Variants in TJP2 observed in about 807,000 individuals in gnomAD.
TJP2 encodes the protein Friedreich ataxia region gene X104 (tight junction protein ZO-2).
In TJP2, 91 loss-of-function variants were observed where a neutral mutation model predicts 133.1. The ratio of observed to expected loss-of-function variants is 0.68; its 90% confidence interval spans 0.58 to 0.81. The LOEUF is 0.81. TJP2 is among the 40% of genes least tolerant of loss of function. The pLI is 0.00. For synonymous variants in TJP2, 592 were observed against 583.4 expected (o/e 1.01, Z -0.21); for missense variants, 1,541 against 1,565.6 (o/e 0.98, Z 0.26).
At chr9:69,153,186 T>C (rs1441634192) in intron 2 of TJP2, among the ~76,000 whole-genome samples, 1 of 151,806 alleles carries the variant, frequency 6.6e-6, no homozygotes, top group East Asian at 1.9e-4. Flanking sequence ...TGAGCTATAA[T>C]TGCACCACTG....
intron 1 of TJP2, chr9:69,205,083 C>T (rs1217268765): frequency 3.1e-5 from 47 of 1,518,190 alleles, no homozygotes; most frequent in Admixed American, 6.1e-5. Context: ...ATCCGCCTTA[C>T]GTAACCACAT....
chr9:69,232,810 G>T (rs1308574948), intron 11 of TJP2, among the ~76,000 whole-genome samples: 3 of 152,184 alleles, frequency 2.0e-5, no homozygotes, highest in Non-Finnish European at 4.4e-5. Context: ...TCTAAGTTTG[G>T]TTATTAACCA....
chr9:69,218,388 CT>C lies in TJP2; in HGVS notation c.342+31del, dbSNP rs528040007. ...AGTACTGGGTTTGCTTTCAGCTTGC[CT>C]TAATAGCATTTTGGTTTTTTGCCCA... is the stretch of plus-strand genomic sequence containing the variant. On this transcript the variant is annotated intron_variant, in intron 4 of 22. Coordinates refer to ENST00000377245, the MANE Select transcript of TJP2 (RefSeq NM_004817.4). 1,700 of 1,587,014 alleles carry C rather than the reference CT, an allele frequency of 1.1e-3. 18 individuals carry two copies. Among genetic ancestry groups the C allele is most frequent in the Non-Finnish European group, 2.1e-4 (241 of 1,155,736 alleles).
chr9:69,229,525 T>C (rs1414900422), intron 10 of TJP2, among the ~76,000 whole-genome samples: 1 of 152,222 alleles, frequency 6.6e-6, no homozygotes, highest in Non-Finnish European at 1.5e-5. Flanking sequence ...TTTGCGTTTG[T>C]CAGATAAATT....
chr9:69,235,979 T>C (rs768708544), intron 12 of TJP2, 49 bp from the exon 13 acceptor site: 2 of 1,554,674 alleles, frequency 1.3e-6, no homozygotes, highest in Non-Finnish European at 1.8e-6. Flanking sequence ...TGTCTAGTAC[T>C]GTAACTTGTA....
At chr9:69,147,489 T>C (rs1823263547) in intron 1 of TJP2, among the ~76,000 whole-genome samples, 1 of 152,212 alleles carries the variant, frequency 6.6e-6, no homozygotes, top group Non-Finnish European at 1.5e-5. Context: ...AGTGGGAAAC[T>C]CAGCCTCATT....
At chr9:69,247,986 T>G in intron 18 of TJP2, 26 bp from the exon 19 acceptor site, 1 of 1,565,520 alleles carries the variant, frequency 6.4e-7, no homozygotes. Context: ...CAGACCCCAC[T>G]GACCGTCCAA....
chr9:69,145,656 G>A, intron 1 of TJP2: 1 of 1,136,598 alleles, frequency 8.8e-7, no homozygotes, highest in Non-Finnish European at 1.1e-6. Flanking sequence ...AGTTGCTTCA[G>A]GTGAACAGTG....
chr9:69,214,801 A>G (rs1828224925), intron 2 of TJP2, among the ~76,000 whole-genome samples: 1 of 148,978 alleles, frequency 6.7e-6, no homozygotes, highest in Admixed American at 6.8e-5. Context: ...TGAACCTAGG[A>G]GGCAGGGGTT....
chr9:69,212,431 T>C (rs987993421), intron 1 of TJP2, 117 bp from the exon 2 acceptor site: 4 of 779,150 alleles, frequency 5.1e-6, no homozygotes, highest in Non-Finnish European at 9.2e-6. Flanking sequence ...ATTAACTCTT[T>C]TTTGGTATAG....
chr9:69,237,955 G>A lies in TJP2; in HGVS notation c.2257G>A (p.Asp753Asn). ...GGAAAAATTGGCTAATGAGTTACCT[G>A]ACTGGTTTCAAACTGCTAGTAAGTC... ...AMEKLANELPDWFQTAKTEPK... is the reference protein window; with the variant it reads ...AMEKLANELPNWFQTAKTEPK... Residue 753 changes from aspartate (D) to asparagine (N), a missense_variant, in exon 15 of 23, where the codon GAC (aspartate) becomes AAC (asparagine). By Grantham distance (23) the Asp-to-Asn change is conservative (BLOSUM62 1). Coordinates refer to ENST00000377245, the MANE Select transcript of TJP2 (RefSeq NM_004817.4). 6.2e-7 allele frequency: 1 copy of A among 1,613,348 alleles called. No homozygotes were observed. The highest frequency in any genetic ancestry group is 8.5e-7 in the Non-Finnish European group (1 of 1,179,466).
At position 69,221,156 on chromosome 9, in the gene TJP2, C is replaced by A. The variant is rs748475651; in HGVS notation, c.612C>A (p.Gly204=). 1.3e-6 allele frequency: 2 copies of A among 1,595,870 alleles called. No individual in the cohort carries two copies. Among genetic ancestry groups the A allele is most frequent in the Non-Finnish European group, 1.7e-6 (2 of 1,171,426 alleles). The change falls in exon 5 of 23, where the codon GGC becomes GGA. Residue 204 remains glycine (G), a synonymous_variant. Coordinates refer to ENST00000377245, the MANE Select transcript of TJP2 (RefSeq NM_004817.4). ...GCCGTGGCCGGAGCCTGGAGCGGGG[C>A]CTGGACCAAGACCATGCGCGCACCC... ...DRSRGRSLER[G]LDQDHARTRD...
rs550595223 is a variant in TJP2, at chr9:69,144,729, T to C, written c.-130-6922T>C. Among the ~76,000 whole-genome samples the C allele has an allele frequency of 2.0e-4, 31 of 152,354 alleles. No homozygotes were observed. The East Asian group carries it at 4.4e-3, about 22-fold the overall frequency. Reference sequence around the variant, plus strand: ...GTACTGTTTTTCTCAACTATTGTAATACTAGTGAAGAGCCCTCTCCATGTG... The same window carrying C: ...GTACTGTTTTTCTCAACTATTGTAACACTAGTGAAGAGCCCTCTCCATGTG... On this transcript the variant is annotated intron_variant, in intron 1 of 5. Transcript: ENST00000423935.
At chr9:69,228,837 C>T (rs1829546440) in intron 9 of TJP2, among the ~76,000 whole-genome samples, 1 of 152,170 alleles carries the variant, frequency 6.6e-6, no homozygotes, top group Non-Finnish European at 1.5e-5. Flanking sequence ...CTTCCCCCAA[C>T]CCTTCCCCAC....
At chr9:69,225,449 G>C (rs759826940) in intron 6 of TJP2, 42 bp downstream of exon 6, 1 of 1,311,690 alleles carries the variant, frequency 7.6e-7, no homozygotes, top group Non-Finnish European at 1.1e-6. Flanking sequence ...GCATACTGCC[G>C]TTCATCGCCT....
upstream of TJP2, chr9:69,121,304 G>A: frequency 2.0e-6 from 2 of 985,248 alleles, no homozygotes; most frequent in Non-Finnish European, 2.4e-6. Flanking sequence ...GTAGCGCTGC[G>A]AGCAGCTGCG....
Position 69,235,961 on chromosome 9 carries a change from G to A in TJP2, c.1781-67G>A, listed in dbSNP as rs1204892934. 12 of 1,443,220 alleles carry A rather than the reference G, an allele frequency of 8.3e-6. No homozygotes were observed. In the East Asian group the frequency reaches 2.7e-4, roughly 33 times the overall value. 89.4% of individuals were successfully genotyped at this position (1,443,220 alleles called of 1,614,324 possible). ...GGGGAGATCAGAGATAGGAGAAGCTGTGTTGAGTGTCTAGTACTGTAACTT... is the reference window on the plus strand; with the variant it reads ...GGGGAGATCAGAGATAGGAGAAGCTATGTTGAGTGTCTAGTACTGTAACTT... On this transcript the variant is annotated intron_variant, in intron 12 of 22. Coordinates refer to ENST00000377245, the MANE Select transcript of TJP2 (RefSeq NM_004817.4).
intron 1 of TJP2, among the ~76,000 whole-genome samples, chr9:69,179,515 T>TTTTC (rs1468044751): frequency 2.0e-5 from 3 of 150,272 alleles, no homozygotes; most frequent in Non-Finnish European, 4.5e-5. Context: ...TTCTTTCTTT[T>TTTTC]TTTTTTTTTT....
chr9:69,209,789 A>G lies in TJP2; in HGVS notation c.61-2759A>G, dbSNP rs116999026. ...CAAAAAAACTTTTTAACAAATATGT[A>G]CAACTTCATTAAAATATTGGAAAAT... On this transcript the variant is annotated intron_variant, in intron 1 of 22. Transcript: ENST00000377245. Among the ~76,000 whole-genome samples the G allele has an allele frequency of 6.3e-3, 964 of 152,192 alleles. 5 individuals carry two copies. Among genetic ancestry groups the G allele is most frequent in the Non-Finnish European group, 9.3e-3 (632 of 68,002 alleles).
Sources: allele counts gnomAD v4.1 joint callset (sites outside exome capture counted in the v4.1 genomes callset), GRCh38; gene constraint gnomAD v4.1.1; transcripts MANE v1.5; gene names NCBI Gene and HGNC (gene_info 2026-07-23, HGNC 2026-07-21).